SEC23A: variants seen among roughly 807,000 people sequenced by gnomAD.
The protein encoded by SEC23A is SEC23 homolog A, COPII component.
Under a neutral mutation model 103.7 loss-of-function variants are expected in SEC23A, and 56 were observed. The ratio of observed to expected loss-of-function variants is 0.54; its 90% CI spans 0.44 to 0.67. The LOEUF (loss-of-function observed/expected upper bound fraction) is 0.67. Ranked by LOEUF, SEC23A falls within the 30% of genes least tolerant of loss-of-function variation. The pLI is 0.00. For synonymous variants in SEC23A, 281 were observed against 293.0 expected (o/e 0.96, Z 0.42); for missense variants, 784 against 936.4 (o/e 0.84, Z 2.12).
intron 19 of SEC23A, among the ~76,000 whole-genome samples, chr14:39,038,796 C>T (rs1012638027): frequency 2.6e-5 from 4 of 152,320 alleles, no homozygotes; most frequent in East Asian, 1.9e-4. Context: ...CTGTCTTACA[C>T]ACTTCATTGC....
intron 19 of SEC23A, among the ~76,000 whole-genome samples, chr14:39,037,345 G>A (rs1206895894): frequency 6.6e-6 from 1 of 151,828 alleles, no homozygotes; most frequent in Non-Finnish European, 1.5e-5. Flanking sequence ...ATTGACATAT[G>A]TTTTCCTAGT....
Position 39,045,184 on chromosome 14 carries a change from A to C in SEC23A, c.1878T>G (p.Tyr626Ter). 6.2e-7 allele frequency: 1 copy of C among 1,613,758 alleles called. No individual in the cohort carries two copies. Among genetic ancestry groups the C allele is most frequent in the Non-Finnish European group, 8.5e-7 (1 of 1,179,828 alleles). ...LIMIQPILYA[Y>*]SFSGPPEPVL... ...TTACCTCTGGTGGTCCACTAAAAGAATACGCATACAGGATAGGCTGAATCA... is the reference window on the plus strand; with the variant it reads ...TTACCTCTGGTGGTCCACTAAAAGACTACGCATACAGGATAGGCTGAATCA... The change falls in exon 16 of 20, where the codon TAT becomes TAG. Residue 626 changes from tyrosine to a stop codon, truncating the protein, a stop_gained. Transcript: ENST00000307712. LOFTEE classifies it high-confidence loss of function.
chr14:39,054,380 A>G (rs978962395), intron 14 of SEC23A, among the ~76,000 whole-genome samples: 3 of 152,206 alleles, frequency 2.0e-5, no homozygotes, highest in Non-Finnish European at 4.4e-5. Flanking sequence ...AACACTACTA[A>G]TAACTTTATT....
At chr14:39,092,476 T>C (rs2139289028) in intron 4 of SEC23A, 65 bp downstream of exon 4, 1 of 942,834 alleles carries the variant, frequency 1.1e-6, no homozygotes, top group Non-Finnish European at 1.7e-6. Context: ...TAAATCATCA[T>C]AATTTAACAA....
rs1010960359 is a variant in SEC23A at position 39,045,237 on chromosome 14, G to T, written c.1825C>A (p.Arg609Ser). ...ESSYYRHHFM[R>S]QDLTQSLIMI... is the part of the protein sequence containing the mutation. Reference sequence around the variant, plus strand: ...ATTAGAGACTGGGTCAGATCTTGACGCATAAAATGGTGACGATAATATGAA... The same window carrying T: ...ATTAGAGACTGGGTCAGATCTTGACTCATAAAATGGTGACGATAATATGAA... Residue 609 changes from arginine (R) to serine (S), a missense_variant, in exon 16 of 20, where the codon CGT (arginine) becomes AGT (serine). Physicochemically the swap from Arg to Ser is moderately radical, Grantham distance 110. Around this residue, in one of 2 missense-constraint regions of SEC23A, gnomAD observed 683 missense variants for 774.2 expected, o/e 0.88. Coordinates refer to ENST00000307712, the MANE Select transcript of SEC23A (RefSeq NM_006364.4). 2 of 1,612,748 alleles carry T rather than the reference G, an allele frequency of 1.2e-6. No individual in the cohort carries two copies. Among genetic ancestry groups the T allele is most frequent in the South Asian group, 1.1e-5 (1 of 91,056 alleles).
At chr14:39,072,834 G>C (rs1422878925) in intron 9 of SEC23A, among the ~76,000 whole-genome samples, 3 of 152,058 alleles carry the variant, frequency 2.0e-5, no homozygotes, top group Admixed American at 2.0e-4. Flanking sequence ...TTAAAATACA[G>C]ACAACGACAA....
intron 1 of SEC23A, among the ~76,000 whole-genome samples, chr14:39,099,404 G>A (rs369342429): frequency 7.2e-5 from 11 of 151,740 alleles, no homozygotes; most frequent in Middle Eastern, 3.2e-3. Context: ...GTGATCCGCC[G>A]GCCTCGGCCT....
At chr14:39,043,310 ATATTT>A (rs1207939987) in intron 16 of SEC23A, among the ~76,000 whole-genome samples, 2 of 152,182 alleles carry the variant, frequency 1.3e-5, no homozygotes, top group Admixed American at 1.3e-4. Flanking sequence ...TTTGAAATTT[ATATTT>A]TATTACCTAA....
chr14:39,095,416 C>T (rs1887852292), intron 2 of SEC23A, among the ~76,000 whole-genome samples: 1 of 152,026 alleles, frequency 6.6e-6, no homozygotes, highest in African/African-American at 2.4e-5. Flanking sequence ...CCTGTCTCAG[C>T]CTCCCGAGTA....
chr14:39,044,412 T>A (rs993968092), intron 16 of SEC23A, among the ~76,000 whole-genome samples: 1 of 151,698 alleles, frequency 6.6e-6, no homozygotes, highest in Admixed American at 6.6e-5. Context: ...ATTTGACCAA[T>A]TACAAAAAAA....
chr14:39,093,316 T>A (rs2415530), intron 2 of SEC23A, 72 bp from the exon 3 acceptor site: 2 of 1,202,516 alleles, frequency 1.7e-6, no homozygotes, highest in Non-Finnish European at 2.4e-6. Flanking sequence ...CTAATTTCAA[T>A]AAAATTAATT....
At chr14:39,079,683 G>C (rs760682123) in intron 7 of SEC23A, among the ~76,000 whole-genome samples, 3 of 151,942 alleles carry the variant, frequency 2.0e-5, no homozygotes, top group Admixed American at 6.6e-5. Context: ...TTAGCCAGGC[G>C]GGGTGGCGGG....
chr14:39,048,845 A>G lies in SEC23A; in HGVS notation c.1660-116T>C, dbSNP rs907886855. On this transcript the variant is annotated intron_variant, in intron 14 of 19. Coordinates refer to ENST00000307712, the MANE Select transcript of SEC23A (RefSeq NM_006364.4). Reference sequence around the variant, plus strand: ...ATCATCAGGAAGCAGATACTTGATAAAGAATAAAATTATAATATTACTTAT... The same window carrying G: ...ATCATCAGGAAGCAGATACTTGATAGAGAATAAAATTATAATATTACTTAT... 4.6e-6 allele frequency: 3 copies of G among 655,232 alleles called. No homozygotes were observed. The African/African-American group carries it at 5.5e-5, about 12-fold the overall frequency. 40.6% of individuals were successfully genotyped at this position (655,232 alleles called of 1,614,324 possible).
intron 9 of SEC23A, 31 bp from the exon 10 acceptor site, chr14:39,067,327 T>G (rs1204821443): frequency 6.2e-7 from 1 of 1,611,898 alleles, no homozygotes; most frequent in Non-Finnish European, 8.5e-7. Flanking sequence ...AACAACATAC[T>G]TGACACAGTT....
At chr14:39,063,766 G>T (rs1886556907) in intron 11 of SEC23A, among the ~76,000 whole-genome samples, 1 of 152,074 alleles carries the variant, frequency 6.6e-6, no homozygotes, top group Non-Finnish European at 1.5e-5. Flanking sequence ...GGAGGCTGAG[G>T]CGGGCAGATC....
intron 15 of SEC23A, among the ~76,000 whole-genome samples, chr14:39,048,449 A>C (rs1296316029): frequency 6.8e-6 from 1 of 147,102 alleles, no homozygotes. Flanking sequence ...AACCATCCCT[A>C]CCAAAAAAAA....
At chr14:39,074,326 C>G in intron 9 of SEC23A, 89 bp downstream of exon 9, 1 of 866,324 alleles carries the variant, frequency 1.2e-6, no homozygotes, top group East Asian at 2.4e-5. Context: ...GAAGATGACA[C>G]TTTTCCCTAA....
chr14:39,075,426 T>C (rs1886980235), intron 8 of SEC23A, among the ~76,000 whole-genome samples: 1 of 152,118 alleles, frequency 6.6e-6, no homozygotes, highest in Non-Finnish European at 1.5e-5. Flanking sequence ...AATTAAGAGA[T>C]ATTAACAAAT....
chr14:39,089,208 T>C (rs1887575285), intron 5 of SEC23A, among the ~76,000 whole-genome samples: 1 of 151,446 alleles, frequency 6.6e-6, no homozygotes, highest in Non-Finnish European at 1.5e-5. Context: ...ATGTTTTATG[T>C]GCTTCATATG....
Sources: gnomAD v4.1 joint callset for allele counts (sites outside exome capture counted in the v4.1 genomes callset) on GRCh38, gnomAD v4.1.1 for gene constraint, gnomAD v4.1.1 regional missense constraint, MANE v1.5 for transcripts, NCBI Gene and HGNC (gene_info 2026-07-23, HGNC 2026-07-21) for gene names.